PTGS1: variants seen among roughly 807,000 people sequenced by gnomAD.
The protein encoded by PTGS1 is prostaglandin-endoperoxide synthase 1, also known as prostaglandin G/H synthase 1.
In PTGS1, 40 loss-of-function variants were observed where a neutral mutation model predicts 63.0. The ratio of observed to expected loss-of-function variants is 0.63; its 90% CI spans 0.49 to 0.83. The LOEUF is 0.83. Among genes scored for constraint, PTGS1 ranks in the 40% least tolerant of loss-of-function variants. The pLI is 0.00. For synonymous variants in PTGS1, 298 were observed against 301.9 expected (o/e 0.99, Z 0.13); for missense variants, 709 against 786.5 (o/e 0.90, Z 1.18).
intron 2 of PTGS1, chr9:122,371,576 C>G: frequency 7.0e-7 from 1 of 1,428,378 alleles, no homozygotes; most frequent in African/African-American, 1.4e-5. Context: ...GATGTCTAAG[C>G]AGCCTCTGCA....
intron 2 of PTGS1, among the ~76,000 whole-genome samples, chr9:122,377,650 T>A (rs1408365723): frequency 6.6e-6 from 1 of 152,080 alleles, no homozygotes; most frequent in African/African-American, 2.4e-5. Flanking sequence ...GCGCTTCCCC[T>A]GGGGGCCTGA....
chr9:122,388,618 G>A (rs1460652295), intron 9 of PTGS1, among the ~76,000 whole-genome samples: 1 of 152,212 alleles, frequency 6.6e-6, no homozygotes, highest in Non-Finnish European at 1.5e-5. Context: ...CAGAGCAACA[G>A]ATGGAGGCTA....
intron 7 of PTGS1, 57 bp downstream of exon 7, chr9:122,381,804 C>T: frequency 6.5e-7 from 1 of 1,534,364 alleles, no homozygotes. Flanking sequence ...TCTTCCCTGG[C>T]AAAGACTGCT....
rs147795437 is a variant in PTGS1, at chr9:122,378,798, C to A, written c.376C>A (p.Pro126Thr). 24 of 1,614,076 alleles carry A rather than the reference C, an allele frequency of 1.5e-5. No individual in the cohort carries two copies. The highest frequency in any genetic ancestry group is 1.6e-4 in the Middle Eastern group (1 of 6,084). The part of the protein sequence containing the change: ...LTVRSNLIPS[P>T]PTYNSAHDYI... ...AGTGCGCTCCAACCTTATCCCCAGT[C>A]CCCCCACCTACAACTCAGCACATGA... is the stretch of plus-strand genomic sequence containing the variant. The change falls in exon 5 of 11, where the codon CCC becomes ACC. Residue 126 changes from proline to threonine, a missense_variant. Physicochemically the swap from Pro to Thr is conservative, Grantham distance 38 (BLOSUM62 -1). Transcript: ENST00000362012.
At position 122,390,273 on chromosome 9, in the gene PTGS1, C is replaced by T. The variant is rs201622021; in HGVS notation, c.1372C>T (p.Arg458Trp). The change falls in exon 10 of 11, where the codon CGG (arginine) becomes TGG (tryptophan). Residue 458 changes from arginine to tryptophan, a missense_variant. Transcript: ENST00000362012. ...VDVIRESREM[R>W]LQPFNEYRKR... The stretch of plus-strand genomic sequence containing the variant: ...TGTCATCAGGGAGTCTCGGGAGATG[C>T]GGCTGCAGCCCTTCAATGAGTACCG... 24 of 1,614,038 alleles carry T rather than the reference C, an allele frequency of 1.5e-5. No individual in the cohort carries two copies. The highest frequency in any genetic ancestry group is 2.7e-5 in the African/African-American group (2 of 74,924).
Position 122,371,109 on chromosome 9 carries a change from GC to G in PTGS1, c.7+21del. ...CATGAGCCGTGAGTGCGACCCCGGT[GC>G]CCGGTGGGGAATTTTCTTGGCCTCC... On this transcript the variant is annotated intron_variant, in intron 1 of 10. Transcript: ENST00000362012. 1 of 1,604,088 alleles carries G rather than the reference GC, an allele frequency of 6.2e-7. No individual in the cohort carries two copies.
chr9:122,394,231 G>C lies in PTGS1; in HGVS notation c.*1687G>C, dbSNP rs1838453790. On this transcript the variant is annotated 3_prime_UTR_variant, in exon 11 of 11. Coordinates refer to ENST00000362012, the MANE Select transcript of PTGS1 (RefSeq NM_000962.4). ...TAGGCAGCAGAGAGAGAGGACAGAG[G>C]GGTAAGATGAGGGGTTGAGGGAAGG... is the stretch of plus-strand genomic sequence containing the variant. 6.6e-6 allele frequency: 1 copy of C among 152,236 alleles called. No homozygotes were observed. Among genetic ancestry groups the C allele is most frequent in the African/African-American group, 2.4e-5 (1 of 41,440 alleles). 9.4% of individuals were successfully genotyped at this position (152,236 alleles called of 1,614,324 possible).
intron 2 of PTGS1, among the ~76,000 whole-genome samples, chr9:122,377,413 A>G (rs1348831612): frequency 6.6e-6 from 1 of 151,996 alleles, no homozygotes; most frequent in Non-Finnish European, 1.5e-5. Context: ...CCTAGTGTTC[A>G]TGGGGTGGTG....
At chr9:122,383,888 G>A in intron 8 of PTGS1, 133 bp downstream of exon 8, 2 of 1,251,180 alleles carry the variant, frequency 1.6e-6, no homozygotes, top group Non-Finnish European at 2.2e-6. Flanking sequence ...AGAAGACCTT[G>A]AGCAGGCCCC....
chr9:122,382,266 C>T (rs1306238498), intron 7 of PTGS1, among the ~76,000 whole-genome samples: 7 of 152,322 alleles, frequency 4.6e-5, no homozygotes, highest in African/African-American at 1.4e-4. Flanking sequence ...TTTAATAATA[C>T]ATTTTACTTA....
intron 7 of PTGS1, 140 bp from the exon 8 acceptor site, chr9:122,383,369 T>C (rs1240046927): frequency 8.5e-7 from 1 of 1,177,496 alleles, no homozygotes; most frequent in South Asian, 1.6e-5. Context: ...GGGGACTGAT[T>C]TTAAGAGACA....
chr9:122,390,328 C>T lies in PTGS1; in HGVS notation c.1427C>T (p.Ser476Phe), dbSNP rs1838137998. 6.2e-7 allele frequency: 1 copy of T among 1,614,028 alleles called. No individual in the cohort carries two copies. Among genetic ancestry groups the T allele is most frequent in the African/African-American group, 1.3e-5 (1 of 74,946 alleles). ...RKRFGMKPYT[S>F]FQELVGEKEM... The stretch of plus-strand genomic sequence containing the variant: ...AGGTTTGGCATGAAACCCTACACCT[C>T]CTTCCAGGAGCTCGTAGGTGAGCAG... Residue 476 changes from serine to phenylalanine, a missense_variant, in exon 10 of 11, where the codon TCC becomes TTC. Coordinates refer to ENST00000362012, the MANE Select transcript of PTGS1 (RefSeq NM_000962.4).
rs200002104 is a variant in PTGS1 at position 122,393,616 on chromosome 9, C to G, written c.*1072C>G. 3 of 152,272 alleles carry G rather than the reference C, an allele frequency of 2.0e-5. No individual in the cohort carries two copies. The highest frequency in any genetic ancestry group is 7.2e-5 in the African/African-American group (3 of 41,460). The allele number at this position is 152,272 out of a possible 1,614,324, so 9.4% of individuals were successfully genotyped here. A position where few individuals can be genotyped will look rare whatever the true frequency, so the allele number is the denominator to read the frequency against. On this transcript the variant is annotated 3_prime_UTR_variant, in exon 11 of 11. Transcript: ENST00000362012. ...CAGAGCATACAACAGAGGGGGCACC[C>G]GGGGAGGAGAGCACATACTGTGTTC...
intron 6 of PTGS1, 47 bp from the exon 7 acceptor site, chr9:122,381,617 G>A: frequency 1.2e-6 from 2 of 1,613,260 alleles, no homozygotes; most frequent in South Asian, 1.1e-5. Flanking sequence ...GTCATCGACA[G>A]TGGGCCGGCA....
upstream of PTGS1, chr9:122,370,734 C>A: frequency 3.9e-6 from 2 of 515,632 alleles, no homozygotes; most frequent in African/African-American, 1.9e-5. Context: ...TTCAGACGAG[C>A]CGCTTCCATC....
At chr9:122,370,898 AT>A (rs1836754350), upstream of PTGS1, 3 of 958,626 alleles carry the variant, frequency 3.1e-6, no homozygotes, top group South Asian at 1.7e-5. Context: ...GCATACACTA[AT>A]TAATAAAATG....
At chr9:122,385,567 A>C (rs1837820573) in intron 8 of PTGS1, among the ~76,000 whole-genome samples, 1 of 151,946 alleles carries the variant, frequency 6.6e-6, no homozygotes, top group Non-Finnish European at 1.5e-5. Context: ...GGGCAGAGGA[A>C]AAACTTATTT....
Position 122,394,009 on chromosome 9 carries a change from A to G in PTGS1, c.*1465A>G, listed in dbSNP as rs577180872. The G allele has an allele frequency of 1.3e-5, 2 of 152,370 alleles. No individual in the cohort carries two copies. Among genetic ancestry groups the G allele is most frequent in the Non-Finnish European group, 2.9e-5 (2 of 68,046 alleles). 9.4% of individuals were successfully genotyped at this position (152,370 alleles called of 1,614,324 possible). On this transcript the variant is annotated 3_prime_UTR_variant, in exon 11 of 11. Coordinates refer to ENST00000362012, the MANE Select transcript of PTGS1 (RefSeq NM_000962.4). ...AAGGTTCTGCCCTTATGGAGCTCAC[A>G]CTCCAGTGGCAGACAAACAGACCAT... is the stretch of plus-strand genomic sequence containing the variant.
chr9:122,392,628 G>A lies in PTGS1; in HGVS notation c.*84G>A. The A allele has an allele frequency of 7.7e-7, 1 of 1,298,746 alleles. No individual in the cohort carries two copies. Among genetic ancestry groups the A allele is most frequent in the Non-Finnish European group, 1.1e-6 (1 of 941,578 alleles). The allele number at this position is 1,298,746 out of a possible 1,614,324, so 80.5% of individuals were successfully genotyped here. ...GAGGCCAGGGCTGATGGTCTTAAAT[G>A]CTCATTTTCTGGTTTGGCATGGTGA... is the stretch of plus-strand genomic sequence containing the variant. On this transcript the variant is annotated 3_prime_UTR_variant, in exon 11 of 11. Coordinates refer to ENST00000362012, the MANE Select transcript of PTGS1 (RefSeq NM_000962.4).
Sources: allele counts gnomAD v4.1 joint callset (sites outside exome capture counted in the v4.1 genomes callset), GRCh38; gene constraint gnomAD v4.1.1; transcripts MANE v1.5; gene names NCBI Gene and HGNC (gene_info 2026-07-23, HGNC 2026-07-21).